CREB1: variants seen among roughly 807,000 people sequenced by gnomAD.
The protein encoded by CREB1 is cAMP responsive element binding protein 1.
In CREB1, 2 loss-of-function variants were observed where a neutral mutation model predicts 42.0. The ratio of observed to expected loss-of-function variants is 0.05; its 90% CI spans 0.02 to 0.15. The LOEUF (loss-of-function observed/expected upper bound fraction) is 0.15, where lower values mean the gene tolerates loss of function less well. Among genes scored for constraint, CREB1 ranks in the 10% least tolerant of loss-of-function variants. The probability of loss-of-function intolerance (pLI) is 1.00; values close to 1 mark genes in which losing one functional copy is unlikely to be tolerated. For synonymous variants in CREB1, 123 were observed against 139.9 expected (o/e 0.88, Z 0.85); for missense variants, 199 against 388.9 (o/e 0.51, Z 4.11).
chr2:207,565,086 G>C (rs1480740086), intron 3 of CREB1, among the ~76,000 whole-genome samples: 1 of 151,468 alleles, frequency 6.6e-6, no homozygotes, highest in Non-Finnish European at 1.5e-5. Context: ...AAATTGAGAG[G>C]AAGCTACAGA....
chr2:207,559,913 T>C (rs1160855265), intron 2 of CREB1, among the ~76,000 whole-genome samples: 1 of 152,132 alleles, frequency 6.6e-6, no homozygotes. Context: ...GGTGGGAAAA[T>C]GTAAAGTGCC....
intron 1 of CREB1, among the ~76,000 whole-genome samples, chr2:207,538,970 A>C (rs1174835258): frequency 6.6e-6 from 1 of 152,054 alleles, no homozygotes. Flanking sequence ...AGTAGTTGGC[A>C]GTAGGGGACA....
chr2:207,561,722 G>A (rs948646021), intron 3 of CREB1, among the ~76,000 whole-genome samples: 15 of 152,072 alleles, frequency 9.9e-5, no homozygotes, highest in Admixed American at 9.8e-4. Flanking sequence ...TCTTCTGGGT[G>A]AGCGCTGTTA....
At chr2:207,554,992 C>T (rs1049155738) in intron 1 of CREB1, among the ~76,000 whole-genome samples, 3 of 152,016 alleles carry the variant, frequency 2.0e-5, no homozygotes, top group Non-Finnish European at 4.4e-5. Flanking sequence ...TCACTTGAGC[C>T]CAGGAGTTTG....
At chr2:207,581,635 A>T (rs1406703777) in intron 7 of CREB1, 4 of 412,414 alleles carry the variant, frequency 9.7e-6, no homozygotes, top group African/African-American at 8.2e-5. Flanking sequence ...TAAACTTACA[A>T]AGGAGTTTTA....
intron 7 of CREB1, chr2:207,582,798 CAGA>C: frequency 3.4e-6 from 1 of 290,266 alleles, no homozygotes; most frequent in South Asian, 2.8e-5. Flanking sequence ...GCGGCTGAGG[CAGA>C]AGAATTGTGC....
At chr2:207,540,294 A>C (rs146731645) in intron 1 of CREB1, among the ~76,000 whole-genome samples, 1 of 152,148 alleles carries the variant, frequency 6.6e-6, no homozygotes, top group Admixed American at 6.6e-5. Context: ...GATGTTGACA[A>C]TCTTGACCCT....
intron 1 of CREB1, among the ~76,000 whole-genome samples, chr2:207,554,615 T>G (rs939393465): frequency 3.9e-5 from 6 of 152,206 alleles, no homozygotes; most frequent in African/African-American, 1.4e-4. Context: ...CTACTGCTGG[T>G]AGGAATTGCT....
chr2:207,541,787 A>G (rs2081108926), intron 1 of CREB1, among the ~76,000 whole-genome samples: 2 of 152,200 alleles, frequency 1.3e-5, no homozygotes, highest in South Asian at 4.1e-4. Flanking sequence ...TACCACCATC[A>G]GTTTAGGACA....
At chr2:207,538,148 A>C (rs1164363322) in intron 1 of CREB1, among the ~76,000 whole-genome samples, 1 of 152,142 alleles carries the variant, frequency 6.6e-6, no homozygotes, top group Non-Finnish European at 1.5e-5. Flanking sequence ...GAGATTTTGG[A>C]TGTTTTATTA....
At chr2:207,540,750 C>G (rs2081069296) in intron 1 of CREB1, among the ~76,000 whole-genome samples, 1 of 142,252 alleles carries the variant, frequency 7.0e-6, no homozygotes, top group South Asian at 2.3e-4. Flanking sequence ...AATTTGCTTT[C>G]ACTTAAAAAC....
In CREB1 at chr2:207,602,840, CA is replaced by C. The variant is rs1468555735; in HGVS notation, c.*5783del. 9.2e-6 allele frequency: 2 copies of C among 218,124 alleles called. No individual in the cohort carries two copies. Among genetic ancestry groups the C allele is most frequent in the African/African-American group, 4.5e-5 (2 of 44,464 alleles). The allele number at this position is 218,124 out of a possible 1,614,324, so 13.5% of individuals were successfully genotyped here. On this transcript the variant is annotated 3_prime_UTR_variant, in exon 8 of 8. Transcript: ENST00000353267. ...AGAAGAGTGCTAGTTAGCAGTTTTC[CA>C]TGTAAAGTTGTCCTTGACTGATTTG... is the stretch of plus-strand genomic sequence containing the variant.
intron 3 of CREB1, 60 bp from the exon 4 acceptor site, chr2:207,567,403 A>G: frequency 8.3e-7 from 1 of 1,210,558 alleles, no homozygotes; most frequent in South Asian, 1.3e-5. Context: ...ATATTTGTTT[A>G]ATAAAAATTT....
At chr2:207,537,779 T>A (rs1223667565) in intron 1 of CREB1, among the ~76,000 whole-genome samples, 4 of 152,182 alleles carry the variant, frequency 2.6e-5, no homozygotes, top group African/African-American at 9.7e-5. Context: ...TTTGTTGTTG[T>A]TTTTTGTTTT....
intron 1 of CREB1, among the ~76,000 whole-genome samples, chr2:207,541,418 C>A (rs1260913734): frequency 6.6e-6 from 1 of 151,976 alleles, no homozygotes; most frequent in Non-Finnish European, 1.5e-5. Context: ...TTTTACTGTA[C>A]CTTTTCTATG....
In CREB1 at chr2:207,595,759, G is replaced by A. The variant is rs536728953; in HGVS notation, c.840-1155G>A. ...TTTTAAAAATTTTTTTTTAGAGACAGGGTCTTAATATATTGCCCAGGCTGT... is the reference window on the plus strand; with the variant it reads ...TTTTAAAAATTTTTTTTTAGAGACAAGGTCTTAATATATTGCCCAGGCTGT... On this transcript the variant is annotated intron_variant, in intron 7 of 7. Coordinates refer to ENST00000353267, the MANE Select transcript of CREB1 (RefSeq NM_004379.5). 2.0e-5 allele frequency among the ~76,000 whole-genome samples: 3 copies of A among 152,164 alleles called. No homozygotes were observed. In the South Asian group the frequency reaches 6.2e-4, roughly 32 times the overall value.
chr2:207,575,025 TA>T (rs1002752576), intron 5 of CREB1, among the ~76,000 whole-genome samples: 21 of 152,158 alleles, frequency 1.4e-4, no homozygotes, highest in African/African-American at 4.1e-4. Context: ...TTTTTCCACT[TA>T]AAAAAATTGT....
chr2:207,569,364 A>G (rs1037482961), intron 4 of CREB1, among the ~76,000 whole-genome samples: 1 of 152,130 alleles, frequency 6.6e-6, no homozygotes, highest in African/African-American at 2.4e-5. Flanking sequence ...GGATTGTGCC[A>G]GTTTTATACT....
At chr2:207,540,733 A>G (rs1039955647) in intron 1 of CREB1, among the ~76,000 whole-genome samples, 27 of 146,186 alleles carry the variant, frequency 1.8e-4, no homozygotes, top group African/African-American at 6.5e-4. Flanking sequence ...GCTTTACTTT[A>G]TTACTAAATT....
Sources: allele counts gnomAD v4.1 joint callset (sites outside exome capture counted in the v4.1 genomes callset), GRCh38; gene constraint gnomAD v4.1.1; transcripts MANE v1.5; gene names NCBI Gene and HGNC (gene_info 2026-07-23, HGNC 2026-07-21).